The following TRAPPC9 variants were observed in gnomAD, a reference collection of about 807,000 sequenced individuals.
The protein encoded by TRAPPC9 is IKK2 binding protein.
A neutral mutation model predicts 124.0 loss-of-function variants in TRAPPC9; 83 were observed. The observed-to-expected ratio is 0.67, with a 90% CI of 0.56 to 0.80. The LOEUF is 0.80. Ranked by LOEUF, TRAPPC9 falls within the 30% of genes least tolerant of loss-of-function variation. The probability of loss-of-function intolerance (pLI) is 0.00; values close to 1 mark genes in which losing one functional copy is unlikely to be tolerated. For missense variants in TRAPPC9, 1,302 were observed against 1,508.3 expected (o/e 0.86, Z 2.27); for synonymous variants, 638 against 617.5 (o/e 1.03, Z -0.49).
intron 5 of TRAPPC9, among the ~76,000 whole-genome samples, chr8:140,412,268 A>G (rs2069731776): frequency 1.3e-5 from 2 of 152,196 alleles, no homozygotes; most frequent in African/African-American, 2.4e-5. Flanking sequence ...CTTCAGGCAA[A>G]CACAAAGTGA....
intron 7 of TRAPPC9, among the ~76,000 whole-genome samples, chr8:140,371,985 G>T (rs1043398926): frequency 3.3e-5 from 5 of 152,174 alleles, no homozygotes; most frequent in African/African-American, 1.2e-4. Context: ...TTACAGGTGT[G>T]AGCCACCACG....
chr8:139,917,402 G>A (rs1421046374), intron 19 of TRAPPC9, among the ~76,000 whole-genome samples: 1 of 151,842 alleles, frequency 6.6e-6, no homozygotes, highest in African/African-American at 2.4e-5. Context: ...GGATGGTCTC[G>A]ATCTCCTGAC....
chr8:140,283,760 A>T (rs1045599785), intron 14 of TRAPPC9, 129 bp downstream of exon 14: 1 of 976,706 alleles, frequency 1.0e-6, no homozygotes, highest in Non-Finnish European at 1.6e-6. Flanking sequence ...TGCTTATCTT[A>T]CAGAAATCCT....
At position 140,244,858 on chromosome 8, in the gene TRAPPC9, G is replaced by A. The variant is rs1157821284; in HGVS notation, c.2431+7919C>T. Reference sequence around the variant, plus strand: ...AGTTTCGCTCTGACACCAGGCTGGAGTGCAGTGGCGCAATCTCGGCTCACT... The same window carrying A: ...AGTTTCGCTCTGACACCAGGCTGGAATGCAGTGGCGCAATCTCGGCTCACT... On this transcript the variant is annotated intron_variant, in intron 16 of 22. Coordinates refer to ENST00000438773, the MANE Select transcript of TRAPPC9 (RefSeq NM_001160372.4). Among the ~76,000 whole-genome samples, 4 of 142,496 alleles carry A rather than the reference G, an allele frequency of 2.8e-5. No homozygotes were observed. The South Asian group carries it at 6.7e-4, about 24-fold the overall frequency. 93.5% of individuals were successfully genotyped at this position (142,496 alleles called of 152,430 possible).
intron 21 of TRAPPC9, among the ~76,000 whole-genome samples, chr8:139,839,318 C>T (rs1269558145): frequency 1.3e-5 from 2 of 152,156 alleles, no homozygotes; most frequent in African/African-American, 2.4e-5. Flanking sequence ...AATGAGACAC[C>T]GGGGGCTGGG....
chr8:139,822,648 T>C (rs1271782275), intron 21 of TRAPPC9, among the ~76,000 whole-genome samples: 2 of 151,998 alleles, frequency 1.3e-5, no homozygotes, highest in East Asian at 3.9e-4. Flanking sequence ...CTTGCCTCCA[T>C]GGGAAGGACA....
intron 19 of TRAPPC9, among the ~76,000 whole-genome samples, chr8:139,967,044 C>T (rs182821587): frequency 6.6e-6 from 1 of 152,294 alleles, no homozygotes. Flanking sequence ...TCTTTAAATG[C>T]AGTGGAAGTG....
chr8:139,859,644 C>T lies in TRAPPC9; in HGVS notation c.3055+26235G>A, dbSNP rs150021272. 5.5e-3 allele frequency among the ~76,000 whole-genome samples: 842 copies of T among 152,342 alleles called. 10 individuals are homozygous for T. The highest frequency in any genetic ancestry group is 0.019 in the African/African-American group (787 of 41,576). Reference sequence around the variant, plus strand: ...GTCCTGATGTCAGATCTGCCCCATGCGGCCAGACGGCCAGAGAGAAGCTGG... The same window carrying T: ...GTCCTGATGTCAGATCTGCCCCATGTGGCCAGACGGCCAGAGAGAAGCTGG... On this transcript the variant is annotated intron_variant, in intron 21 of 22. Coordinates refer to ENST00000438773, the MANE Select transcript of TRAPPC9 (RefSeq NM_001160372.4).
chr8:139,982,860 C>A (rs1433532847), intron 19 of TRAPPC9, among the ~76,000 whole-genome samples: 1 of 152,304 alleles, frequency 6.6e-6, no homozygotes, highest in East Asian at 1.9e-4. Context: ...TCTATGAACA[C>A]CTCTTTCACA....
At chr8:140,442,569 A>G (rs6995187) in intron 2 of TRAPPC9, among the ~76,000 whole-genome samples, 106,986 of 149,094 alleles carry the variant, frequency 0.72, 39,076 homozygotes, top group East Asian at 1. Context: ...CTGCACTCCA[A>G]CCTGGTCGAC....
chr8:140,075,756 C>A (rs572228655), intron 17 of TRAPPC9, among the ~76,000 whole-genome samples: 1 of 152,094 alleles, frequency 6.6e-6, no homozygotes, highest in African/African-American at 2.4e-5. Flanking sequence ...TAGAGGCATC[C>A]GACACATTGG....
At chr8:140,387,925 G>C (rs954516411) in intron 7 of TRAPPC9, among the ~76,000 whole-genome samples, 4 of 152,024 alleles carry the variant, frequency 2.6e-5, no homozygotes, top group Non-Finnish European at 4.4e-5. Flanking sequence ...AAATGCACAC[G>C]TATGTTTATT....
rs776622917 is a variant in TRAPPC9 at position 140,435,211 on chromosome 8, C to A, written c.760G>T (p.Val254Phe). 1 of 1,614,192 alleles carries A rather than the reference C, an allele frequency of 6.2e-7. No individual in the cohort carries two copies. ...AALEGLCSAS[V>F]IYHYPGGTGG... Reference sequence around the variant, plus strand: ...GTTCCACCAGGATAGTGATAGATGACAGAAGCTGAACACAATCCTTCCAGG... The same window carrying A: ...GTTCCACCAGGATAGTGATAGATGAAAGAAGCTGAACACAATCCTTCCAGG... Residue 254 changes from valine to phenylalanine, a missense_variant, in exon 4 of 23, where the codon GTC (valine) becomes TTC (phenylalanine). Val to Phe is a conservative substitution (Grantham distance 50, BLOSUM62 -1). This residue lies in a region of TRAPPC9 where 657 missense variants were observed against 811.2 expected (regional missense o/e 0.81). Transcript: ENST00000438773.
At chr8:139,970,699 C>T (rs543043580) in intron 19 of TRAPPC9, among the ~76,000 whole-genome samples, 2 of 152,294 alleles carry the variant, frequency 1.3e-5, no homozygotes, top group South Asian at 4.1e-4. Flanking sequence ...CCAGCAGAGG[C>T]CCAGCTTGCT....
At chr8:139,740,150 C>T (rs1818458732) in intron 21 of TRAPPC9, among the ~76,000 whole-genome samples, 1 of 152,224 alleles carries the variant, frequency 6.6e-6, no homozygotes. Context: ...TAAGGAATCT[C>T]CTGGGAGCCA....
intron 18 of TRAPPC9, 105 bp downstream of exon 18, chr8:140,023,832 C>T (rs924309695): frequency 7.0e-6 from 11 of 1,561,312 alleles, no homozygotes; most frequent in African/African-American, 1.4e-5. Context: ...CCCCATGGCA[C>T]GGATCTGACG....
intron 19 of TRAPPC9, among the ~76,000 whole-genome samples, chr8:139,971,447 T>C (rs879708949): frequency 3.3e-5 from 5 of 152,032 alleles, no homozygotes; most frequent in Non-Finnish European, 5.9e-5. Flanking sequence ...CCGGTGAATC[T>C]CCCCTGAAGG....
chr8:140,065,713 T>A lies in TRAPPC9; in HGVS notation c.2557-41634A>T, dbSNP rs186604378. 6.5e-4 allele frequency among the ~76,000 whole-genome samples: 99 copies of A among 152,356 alleles called. 1 individual carries two copies. The highest frequency in any genetic ancestry group is 1.1e-3 in the Non-Finnish European group (76 of 68,038). On this transcript the variant is annotated intron_variant, in intron 17 of 22. Transcript: ENST00000438773. ...ATATTTTAAGCCATCTGTTGAAACC[T>A]ACTGCTTAGAAAAAAAGATTCCTTT... is the stretch of plus-strand genomic sequence containing the variant.
chr8:139,796,465 T>C (rs1262995496), intron 21 of TRAPPC9, among the ~76,000 whole-genome samples: 1 of 152,154 alleles, frequency 6.6e-6, no homozygotes. Context: ...GTCTACGAAT[T>C]TGTCAATTCT....
Sources: gnomAD v4.1 joint callset for allele counts (sites outside exome capture counted in the v4.1 genomes callset) on GRCh38, gnomAD v4.1.1 for gene constraint, gnomAD v4.1.1 regional missense constraint, MANE v1.5 for transcripts, NCBI Gene and HGNC (gene_info 2026-07-23, HGNC 2026-07-21) for gene names.